RGPD2: variants seen among roughly 807,000 people sequenced by gnomAD.
RGPD2 encodes the protein RANBP2 like and GRIP domain containing 2, also known as RANBP2-like and GRIP domain-containing protein 2.
In RGPD2, 2 loss-of-function variants were observed where a neutral mutation model predicts 36.0. The observed-to-expected ratio is 0.06, with a 90% CI of 0.02 to 0.17. The LOEUF is 0.17. Among genes scored for constraint, RGPD2 ranks in the 10% least tolerant of loss-of-function variants. The probability of loss-of-function intolerance (pLI) is 1.00; values close to 1 mark genes in which losing one functional copy is unlikely to be tolerated. For missense variants in RGPD2, 40 were observed against 464.3 expected (o/e 0.09, Z 8.40); for synonymous variants, 19 against 163.8 (o/e 0.12, Z 6.75).
At chr2:87,915,147 C>CA in the RGPD2 span, among the ~76,000 whole-genome samples, 7 of 150,488 alleles carry the variant, frequency 4.7e-5, no homozygotes, top group African/African-American at 1.2e-4. Flanking sequence ...AACTCCGTCT[C>CA]AAAAAAAATA....
At chr2:87,983,622 A>C in the RGPD2 span, among the ~76,000 whole-genome samples, 1 of 134,276 alleles carries the variant, frequency 7.4e-6, no homozygotes, top group Non-Finnish European at 1.6e-5. Flanking sequence ...AGTAAAACAT[A>C]CAGTATATTA....
At chr2:87,906,672 T>A in the RGPD2 span, among the ~76,000 whole-genome samples, 2 of 149,778 alleles carry the variant, frequency 1.3e-5, no homozygotes, top group Non-Finnish European at 3.0e-5. Context: ...TCTTGATTAT[T>A]TTTAATGAAT....
At chr2:87,867,327 C>T in the RGPD2 span, among the ~76,000 whole-genome samples, 5 of 151,024 alleles carry the variant, frequency 3.3e-5, no homozygotes, top group African/African-American at 9.7e-5. Context: ...GCCTAGGGAA[C>T]TCAAGAGATT....
At chr2:87,836,880 G>T in the RGPD2 span, among the ~76,000 whole-genome samples, 4 of 152,040 alleles carry the variant, frequency 2.6e-5, no homozygotes, top group Non-Finnish European at 5.9e-5. Flanking sequence ...AAGTAAAGAG[G>T]TAGATAATAA....
At chr2:87,877,804 C>CAAAAAACAAAA in the RGPD2 span, among the ~76,000 whole-genome samples, 1 of 84,378 alleles carries the variant, frequency 1.2e-5, no homozygotes, top group Non-Finnish European at 2.1e-5. Context: ...GACTCCGTCT[C>CAAAAAACAAAA]AAAAAAAAAA....
chr2:87,961,360 G>A, the RGPD2 span, among the ~76,000 whole-genome samples: 22 of 152,086 alleles, frequency 1.4e-4, 1 homozygote, highest in South Asian at 1.7e-3. Flanking sequence ...CGACGTCGGC[G>A]CTCGAGCTGC....
chr2:87,973,868 AT>A, the RGPD2 span, among the ~76,000 whole-genome samples: 45 of 148,114 alleles, frequency 3.0e-4, no homozygotes, highest in African/African-American at 9.9e-4. Flanking sequence ...TAAACAATTC[AT>A]GTAAAGCACT....
the RGPD2 span, among the ~76,000 whole-genome samples, chr2:87,861,565 A>G: frequency 2.0e-5 from 3 of 152,318 alleles, no homozygotes; most frequent in East Asian, 3.9e-4. Context: ...AATCCCTGGT[A>G]ATAGCTAAGC....
the RGPD2 span, among the ~76,000 whole-genome samples, chr2:87,958,394 G>A: frequency 6.6e-6 from 1 of 151,706 alleles, no homozygotes; most frequent in African/African-American, 2.4e-5. Context: ...ATCTGTTAGT[G>A]GGGAATTTTT....
chr2:87,939,810 T>C, the RGPD2 span, among the ~76,000 whole-genome samples: 1 of 151,986 alleles, frequency 6.6e-6, no homozygotes, highest in African/African-American at 2.4e-5. Context: ...ATTTACTTGA[T>C]TGTGCTGTTT....
chr2:87,824,055 C>T (rs1484496933), intron 1 of RGPD2, among the ~76,000 whole-genome samples: 7 of 145,326 alleles, frequency 4.8e-5, no homozygotes, highest in African/African-American at 1.6e-4. Flanking sequence ...CAGAGTCTCG[C>T]TCTGTCACAC....
the RGPD2 span, among the ~76,000 whole-genome samples, chr2:87,882,096 T>G: frequency 6.6e-6 from 1 of 152,186 alleles, no homozygotes; most frequent in Non-Finnish European, 1.5e-5. Flanking sequence ...CTCCATGACA[T>G]AAACCACTCC....
At chr2:87,878,625 A>G in the RGPD2 span, among the ~76,000 whole-genome samples, 1 of 152,244 alleles carries the variant, frequency 6.6e-6, no homozygotes, top group Non-Finnish European at 1.5e-5. Flanking sequence ...GAGATATACA[A>G]TACATTATTA....
the RGPD2 span, among the ~76,000 whole-genome samples, chr2:87,842,722 T>C: frequency 6.6e-6 from 1 of 151,910 alleles, no homozygotes; most frequent in African/African-American, 2.4e-5. Context: ...TTAAAGTTCA[T>C]ATGGAACCAA....
At chr2:87,978,892 T>C in the RGPD2 span, among the ~76,000 whole-genome samples, 95 of 145,930 alleles carry the variant, frequency 6.5e-4, no homozygotes, top group Non-Finnish European at 1.3e-3. Flanking sequence ...CAGTCCGGCG[T>C]AGGCAAAAAG....
the RGPD2 span, among the ~76,000 whole-genome samples, chr2:87,857,066 C>A: frequency 6.6e-6 from 1 of 152,226 alleles, no homozygotes; most frequent in African/African-American, 2.4e-5. Context: ...GGTCCATGAA[C>A]TAAATGAATT....
chr2:87,984,625 AC>A, the RGPD2 span, among the ~76,000 whole-genome samples: 1 of 147,926 alleles, frequency 6.8e-6, no homozygotes, highest in Non-Finnish European at 1.5e-5. Flanking sequence ...AAGACAAAAA[AC>A]AAGTTTTAAA....
rs1481341942 is a variant in RGPD2, at chr2:87,772,945, C to T, written c.5041-581G>A. 1.1e-3 allele frequency among the ~76,000 whole-genome samples: 135 copies of T among 124,420 alleles called. 1 individual carries two copies. The highest frequency in any genetic ancestry group is 3.9e-3 in the African/African-American group (130 of 33,450). 81.6% of individuals were successfully genotyped at this position (124,420 alleles called of 152,430 possible). On this transcript the variant is annotated intron_variant, in intron 21 of 22. Transcript: ENST00000398146. Reference sequence around the variant, plus strand: ...ACTGATGGAACGTCTCCATGAGGAGCAACTAACTGGAGCCATGGGTTGGTA... The same window carrying T: ...ACTGATGGAACGTCTCCATGAGGAGTAACTAACTGGAGCCATGGGTTGGTA...
the RGPD2 span, among the ~76,000 whole-genome samples, chr2:87,989,406 A>G: frequency 6.6e-6 from 1 of 152,064 alleles, no homozygotes; most frequent in Admixed American, 6.6e-5. Flanking sequence ...GTGAGTCACC[A>G]TCATCAAAAG....
Sources: allele counts gnomAD v4.1 joint callset (sites outside exome capture counted in the v4.1 genomes callset), GRCh38; gene constraint gnomAD v4.1.1; transcripts MANE v1.5; gene names NCBI Gene and HGNC (gene_info 2026-07-23, HGNC 2026-07-21).